NTM: variants seen among roughly 807,000 people sequenced by gnomAD.
NTM encodes IgLON family member 2.
A neutral mutation model predicts 42.1 loss-of-function variants in NTM; 13 were observed. The observed-to-expected ratio is 0.31, with a 90% CI of 0.20 to 0.49. The LOEUF (loss-of-function observed/expected upper bound fraction) is 0.49, where lower values mean the gene tolerates loss of function less well. Ranked by LOEUF, NTM falls within the 20% of genes least tolerant of loss-of-function variation. The probability of loss-of-function intolerance (pLI) is 0.99; values close to 1 mark genes in which losing one functional copy is unlikely to be tolerated. For synonymous variants in NTM, 187 were observed against 179.2 expected (o/e 1.04, Z -0.35); for missense variants, 373 against 452.8 (o/e 0.82, Z 1.60).
chr11:132,271,613 T>C (rs1003225679), intron 4 of NTM, among the ~76,000 whole-genome samples: 3 of 152,154 alleles, frequency 2.0e-5, no homozygotes, highest in African/African-American at 4.8e-5. Context: ...TGTGATCTCA[T>C]TGTGGTTATG....
At chr11:131,796,515 G>A (rs77785766) in intron 1 of NTM, among the ~76,000 whole-genome samples, 5,668 of 152,306 alleles carry the variant, frequency 0.037, 367 homozygotes, top group African/African-American at 0.13. Context: ...CCAACACAAA[G>A]GGGCAAGTGC....
At chr11:132,194,814 CTTTTT>C (rs902871492) in intron 3 of NTM, among the ~76,000 whole-genome samples, 12 of 110,646 alleles carry the variant, frequency 1.1e-4, no homozygotes, top group South Asian at 3.3e-4. Context: ...GCATTTCTTC[CTTTTT>C]TTTTTTTTTT....
chr11:131,609,687 A>G (rs1218951303), intron 1 of NTM, among the ~76,000 whole-genome samples: 1 of 152,222 alleles, frequency 6.6e-6, no homozygotes, highest in African/African-American at 2.4e-5. Context: ...CTGACCCTTA[A>G]TAGATTCTTA....
chr11:132,079,799 T>C (rs1390599702), intron 2 of NTM, among the ~76,000 whole-genome samples: 1 of 152,220 alleles, frequency 6.6e-6, no homozygotes, highest in Non-Finnish European at 1.5e-5. Context: ...TTTTATACTA[T>C]TAATATGATT....
intron 2 of NTM, among the ~76,000 whole-genome samples, chr11:131,965,324 C>A (rs1162013456): frequency 6.6e-6 from 1 of 151,970 alleles, no homozygotes; most frequent in Non-Finnish European, 1.5e-5. Context: ...ACCAGGGACT[C>A]AACGTCTCCT....
intron 1 of NTM, among the ~76,000 whole-genome samples, chr11:131,558,020 G>C (rs1384888568): frequency 6.6e-6 from 1 of 152,144 alleles, no homozygotes; most frequent in African/African-American, 2.4e-5. Flanking sequence ...AACATGTTCT[G>C]TTTAGTACTG....
intron 1 of NTM, among the ~76,000 whole-genome samples, chr11:131,860,419 C>T (rs1186251608): frequency 6.6e-6 from 1 of 152,146 alleles, no homozygotes; most frequent in Non-Finnish European, 1.5e-5. Flanking sequence ...GCCCACTGTC[C>T]CTCCACAAAA....
intron 1 of NTM, among the ~76,000 whole-genome samples, chr11:131,439,081 C>T (rs1949385154): frequency 6.6e-6 from 1 of 152,220 alleles, no homozygotes; most frequent in South Asian, 2.1e-4. Flanking sequence ...TGGAGGTCCA[C>T]TCCAGACCCT....
chr11:131,705,261 T>C (rs1086217), intron 1 of NTM, among the ~76,000 whole-genome samples: 35,060 of 152,140 alleles, frequency 0.23, 4,791 homozygotes, highest in African/African-American at 0.37. Context: ...GAAACTTCCC[T>C]GTAGGACTAT....
At chr11:131,532,923 ATTG>A (rs764391412) in intron 1 of NTM, among the ~76,000 whole-genome samples, 2 of 151,296 alleles carry the variant, frequency 1.3e-5, no homozygotes, top group Non-Finnish European at 2.9e-5. Flanking sequence ...TGAGTTTTTC[ATTG>A]TTGTTTTGTT....
chr11:131,806,767 C>A (rs1441287048), intron 1 of NTM, among the ~76,000 whole-genome samples: 3 of 152,118 alleles, frequency 2.0e-5, no homozygotes, highest in African/African-American at 4.8e-5. Flanking sequence ...TTAGAAAAAC[C>A]AGTCCAATTC....
At chr11:132,276,362 G>C (rs964428480) in intron 4 of NTM, among the ~76,000 whole-genome samples, 1 of 152,026 alleles carries the variant, frequency 6.6e-6, no homozygotes, top group African/African-American at 2.4e-5. Context: ...AGTCAATAAC[G>C]GGATTCTTGG....
intron 2 of NTM, among the ~76,000 whole-genome samples, chr11:132,038,875 G>A (rs1044959125): frequency 2.0e-5 from 3 of 152,170 alleles, no homozygotes; most frequent in Non-Finnish European, 4.4e-5. Context: ...CCTTCAGCGT[G>A]GAGCCTGTGG....
At chr11:132,317,035 A>C (rs74695535) in intron 7 of NTM, among the ~76,000 whole-genome samples, 348 of 152,288 alleles carry the variant, frequency 2.3e-3, no homozygotes, top group African/African-American at 8.1e-3. Context: ...GCTCTCTCCA[A>C]GTGGCCTAGA....
chr11:131,831,561 G>A (rs919912285), intron 1 of NTM, among the ~76,000 whole-genome samples: 2 of 152,116 alleles, frequency 1.3e-5, no homozygotes, highest in East Asian at 1.9e-4. Context: ...GAAAGTCAGG[G>A]CTCCAAGCAA....
intron 2 of NTM, among the ~76,000 whole-genome samples, chr11:132,138,114 G>A (rs76064409): frequency 0.011 from 1,701 of 152,168 alleles, 18 homozygotes; most frequent in Non-Finnish European, 0.019. Flanking sequence ...CTTGGCAGCC[G>A]CCTCAACACT....
At chr11:132,286,755 G>A (rs2094251867) in intron 4 of NTM, among the ~76,000 whole-genome samples, 1 of 152,152 alleles carries the variant, frequency 6.6e-6, no homozygotes, top group South Asian at 2.1e-4. Flanking sequence ...GCTAGAGCAG[G>A]GCACAGTGTT....
intron 1 of NTM, among the ~76,000 whole-genome samples, chr11:131,426,737 G>A (rs1948170096): frequency 6.6e-6 from 1 of 152,148 alleles, no homozygotes; most frequent in African/African-American, 2.4e-5. Flanking sequence ...TAGGCAAGTG[G>A]CAGGTTGCAG....
intron 1 of NTM, among the ~76,000 whole-genome samples, chr11:131,731,464 G>C (rs1375289511): frequency 6.6e-6 from 1 of 152,094 alleles, no homozygotes; most frequent in Non-Finnish European, 1.5e-5. Context: ...CTCTAGAAAA[G>C]GCCTTAAATG....
Sources: gnomAD v4.1 joint callset for allele counts (sites outside exome capture counted in the v4.1 genomes callset) on GRCh38, gnomAD v4.1.1 for gene constraint, MANE v1.5 for transcripts, NCBI Gene and HGNC (gene_info 2026-07-23, HGNC 2026-07-21) for gene names.